Variants in RIT2 observed in about 807,000 individuals in gnomAD.
RIT2 encodes the protein Ras like without CAAX 2, also known as GTP-binding protein Rit2.
Under a neutral mutation model 23.7 loss-of-function variants are expected in RIT2, and 24 were observed. The observed-to-expected ratio is 1.01, with a 90% CI of 0.73 to 1.43. RIT2 has a LOEUF of 1.43. RIT2 is among the 40% of genes most tolerant of loss of function. The pLI is 0.00. For synonymous variants in RIT2, 107 were observed against 91.1 expected (o/e 1.17, Z -0.99); for missense variants, 236 against 266.9 (o/e 0.88, Z 0.81).
intron 3 of RIT2, among the ~76,000 whole-genome samples, chr18:42,967,911 T>A (rs888113256): frequency 6.6e-6 from 1 of 152,100 alleles, no homozygotes; most frequent in African/African-American, 2.4e-5. Flanking sequence ...CTATAAGTTG[T>A]CAGTTTATTC....
rs540624597 is a variant in RIT2, at chr18:42,891,075, TA to T, written c.426+32496del. On this transcript the variant is annotated intron_variant, in intron 4 of 4. Coordinates refer to ENST00000326695, the MANE Select transcript of RIT2 (RefSeq NM_002930.4). ...TAAAAATAGATCATCATTTAGTGAC[TA>T]AAAAAGAGGAATTTCTGCATAATTG... 3.0e-4 allele frequency among the ~76,000 whole-genome samples: 46 copies of T among 152,248 alleles called. No individual in the cohort carries two copies. The South Asian group carries it at 8.9e-3, about 30-fold the overall frequency.
intron 1 of RIT2, among the ~76,000 whole-genome samples, chr18:43,066,342 ACT>A (rs1207712390): frequency 6.6e-6 from 1 of 152,140 alleles, no homozygotes; most frequent in African/African-American, 2.4e-5. Flanking sequence ...AAAATTGCAA[ACT>A]CTGATAGCAA....
chr18:42,759,754 C>T (rs1370734051), intron 4 of RIT2, among the ~76,000 whole-genome samples: 11 of 80,240 alleles, frequency 1.4e-4, no homozygotes, highest in Admixed American at 1.2e-3. Flanking sequence ...CACACACACA[C>T]ATACGGATAT....
chr18:42,965,560 T>C (rs1910196622), intron 3 of RIT2, among the ~76,000 whole-genome samples: 2 of 152,088 alleles, frequency 1.3e-5, no homozygotes, highest in South Asian at 4.1e-4. Context: ...GTTCAATATA[T>C]GGACCATGTA....
intron 4 of RIT2, among the ~76,000 whole-genome samples, chr18:42,890,126 T>C (rs1051124659): frequency 3.9e-5 from 6 of 152,118 alleles, no homozygotes; most frequent in African/African-American, 1.4e-4. Context: ...CTCAGGAAAA[T>C]CATTTGACTT....
At chr18:43,060,917 G>A (rs1912628165) in intron 1 of RIT2, among the ~76,000 whole-genome samples, 1 of 152,082 alleles carries the variant, frequency 6.6e-6, no homozygotes, top group South Asian at 2.1e-4. Flanking sequence ...GTAGAGAGCA[G>A]ATACCCCGTA....
chr18:42,804,513 C>T (rs1178031861), intron 4 of RIT2, among the ~76,000 whole-genome samples: 1 of 148,300 alleles, frequency 6.7e-6, no homozygotes, highest in African/African-American at 2.5e-5. Flanking sequence ...TGAGATTGCG[C>T]CACTGCACTC....
chr18:42,953,504 A>G (rs1909902792), intron 3 of RIT2, among the ~76,000 whole-genome samples: 1 of 152,180 alleles, frequency 6.6e-6, no homozygotes, highest in Non-Finnish European at 1.5e-5. Flanking sequence ...GCATTTGTAG[A>G]GAAGCCAGTG....
intron 4 of RIT2, among the ~76,000 whole-genome samples, chr18:42,905,791 T>C (rs960963762): frequency 6.6e-6 from 1 of 151,160 alleles, no homozygotes; most frequent in Non-Finnish European, 1.5e-5. Context: ...GTATTTTTGA[T>C]ATTGGCTATA....
In RIT2 at chr18:42,988,402, C is replaced by A. The variant is rs75546439; in HGVS notation, c.161-14255G>T. 2.6e-5 allele frequency among the ~76,000 whole-genome samples: 4 copies of A among 152,038 alleles called. No individual in the cohort carries two copies. The East Asian group carries it at 7.7e-4, about 29-fold the overall frequency. Reference sequence around the variant, plus strand: ...TCTCTAGTCTATAACAATTGTATTTCAGATAATGACAATTTCTAGATAATT... The same window carrying A: ...TCTCTAGTCTATAACAATTGTATTTAAGATAATGACAATTTCTAGATAATT... On this transcript the variant is annotated intron_variant, in intron 2 of 4. Coordinates refer to ENST00000326695, the MANE Select transcript of RIT2 (RefSeq NM_002930.4).
At chr18:43,035,768 C>A (rs1352414941) in intron 1 of RIT2, among the ~76,000 whole-genome samples, 2 of 152,164 alleles carry the variant, frequency 1.3e-5, no homozygotes, top group Non-Finnish European at 2.9e-5. Flanking sequence ...CATCCACTGA[C>A]CCCAATCCTG....
chr18:42,921,321 C>T lies in RIT2; in HGVS notation c.426+2251G>A, dbSNP rs560084271. ...TTGCAATTTGTGTTTTCATGGTTTT[C>T]GCACTTTCTGTGACTATCTTGTTTA... is the stretch of plus-strand genomic sequence containing the variant. On this transcript the variant is annotated intron_variant, in intron 4 of 4. Transcript: ENST00000326695. 2.0e-3 allele frequency among the ~76,000 whole-genome samples: 305 copies of T among 152,230 alleles called. 4 individuals are homozygous for T. Among genetic ancestry groups the T allele is most frequent in the Non-Finnish European group, 2.5e-3 (173 of 67,978 alleles).
At chr18:42,886,011 T>C (rs747914192) in intron 4 of RIT2, among the ~76,000 whole-genome samples, 36 of 152,200 alleles carry the variant, frequency 2.4e-4, no homozygotes, top group Non-Finnish European at 5.1e-4. Context: ...AACCAGGATG[T>C]GTGATTGTAT....
chr18:42,925,921 C>T lies in RIT2; in HGVS notation c.235-2158G>A, dbSNP rs186157709. Among the ~76,000 whole-genome samples the T allele has an allele frequency of 1.4e-3, 210 of 151,716 alleles. 1 individual carries two copies. The Middle Eastern group carries it at 0.022, about 16-fold the overall frequency. On this transcript the variant is annotated intron_variant, in intron 3 of 4. Coordinates refer to ENST00000326695, the MANE Select transcript of RIT2 (RefSeq NM_002930.4). ...TATTGCTTATTCTTTTTTATAGAGA[C>T]ATCATAATTCTTTTTATACATGTAC...
intron 1 of RIT2, among the ~76,000 whole-genome samples, chr18:43,051,247 G>A (rs1912375084): frequency 6.6e-6 from 1 of 152,130 alleles, no homozygotes; most frequent in South Asian, 2.1e-4. Context: ...CCATGTTAAT[G>A]ATTGCTGTTG....
chr18:43,043,824 C>CAAAT (rs561451214), intron 1 of RIT2, among the ~76,000 whole-genome samples: 138 of 151,888 alleles, frequency 9.1e-4, no homozygotes, highest in African/African-American at 2.9e-3. Flanking sequence ...ATAAATAAAT[C>CAAAT]AAATAAATAA....
intron 2 of RIT2, among the ~76,000 whole-genome samples, chr18:42,981,564 C>G (rs1910599156): frequency 6.6e-6 from 1 of 151,822 alleles, no homozygotes; most frequent in African/African-American, 2.4e-5. Flanking sequence ...AAATTTAAAA[C>G]CAGGAGCCAA....
intron 1 of RIT2, among the ~76,000 whole-genome samples, chr18:43,040,427 A>G (rs1170936717): frequency 1.3e-5 from 2 of 152,306 alleles, no homozygotes; most frequent in East Asian, 3.9e-4. Context: ...CAAATGCAAC[A>G]TAAGTTATGC....
At chr18:43,113,860 A>G (rs979919360) in intron 1 of RIT2, among the ~76,000 whole-genome samples, 2 of 152,104 alleles carry the variant, frequency 1.3e-5, no homozygotes, top group African/African-American at 2.4e-5. Context: ...GGTGGCATTT[A>G]ATGTGGATTG....
Sources: gnomAD v4.1 joint callset for allele counts (sites outside exome capture counted in the v4.1 genomes callset) on GRCh38, gnomAD v4.1.1 for gene constraint, MANE v1.5 for transcripts, NCBI Gene and HGNC (gene_info 2026-07-23, HGNC 2026-07-21) for gene names.